The following ATP8B4 variants were observed in gnomAD, a reference collection of about 807,000 sequenced individuals.
ATP8B4 encodes the protein probable phospholipid-transporting ATPase IM.
Under a neutral mutation model 145.6 loss-of-function variants are expected in ATP8B4, and 133 were observed. The ratio of observed to expected loss-of-function variants is 0.91; its 90% confidence interval spans 0.79 to 1.05. The LOEUF (loss-of-function observed/expected upper bound fraction) is 1.05. Among genes scored for constraint, ATP8B4 ranks in the 50% least tolerant of loss-of-function variants. The pLI is 0.00. For missense variants in ATP8B4, 1,458 were observed against 1,425.2 expected (o/e 1.02, Z -0.37); for synonymous variants, 507 against 492.9 (o/e 1.03, Z -0.38).
chr15:50,069,840 A>C (rs772623002), intron 3 of ATP8B4, among the ~76,000 whole-genome samples: 5 of 152,180 alleles, frequency 3.3e-5, no homozygotes, highest in Non-Finnish European at 5.9e-5. Flanking sequence ...GACTTAGACA[A>C]GTTACTAAAT....
intron 20 of ATP8B4, among the ~76,000 whole-genome samples, chr15:49,908,490 A>T (rs1225446477): frequency 6.6e-6 from 1 of 151,494 alleles, no homozygotes; most frequent in East Asian, 1.9e-4. Context: ...AGGGATGCCC[A>T]GTGGTCCACA....
At chr15:49,961,671 G>A (rs561171385) in intron 14 of ATP8B4, among the ~76,000 whole-genome samples, 12 of 152,146 alleles carry the variant, frequency 7.9e-5, no homozygotes, top group East Asian at 1.9e-4. Context: ...TGTTGAGAAC[G>A]CTGAAGAACA....
intron 26 of ATP8B4, 81 bp from the exon 27 acceptor site, chr15:49,862,456 G>T (rs1028794166): frequency 2.1e-6 from 3 of 1,451,634 alleles, no homozygotes; most frequent in Non-Finnish European, 9.3e-7. Flanking sequence ...GTTCCTACAA[G>T]ATCTTTTTTT....
intron 6 of ATP8B4, among the ~76,000 whole-genome samples, chr15:50,024,455 A>C (rs2049853193): frequency 6.6e-6 from 1 of 152,224 alleles, no homozygotes; most frequent in Non-Finnish European, 1.5e-5. Context: ...GCAGCCAGCC[A>C]GATGAGCATT....
At chr15:49,890,882 G>T (rs895998253) in intron 23 of ATP8B4, among the ~76,000 whole-genome samples, 1 of 152,156 alleles carries the variant, frequency 6.6e-6, no homozygotes, top group Admixed American at 6.5e-5. Context: ...GGTGTGGCTG[G>T]GGAACACCAG....
At chr15:50,031,968 T>A (rs186143193) in intron 6 of ATP8B4, among the ~76,000 whole-genome samples, 1 of 152,372 alleles carries the variant, frequency 6.6e-6, no homozygotes, top group East Asian at 1.9e-4. Context: ...ATTCAAATTG[T>A]TTTAAATTGT....
At chr15:49,918,319 C>T (rs531434624) in intron 19 of ATP8B4, among the ~76,000 whole-genome samples, 1 of 152,312 alleles carries the variant, frequency 6.6e-6, no homozygotes, top group African/African-American at 2.4e-5. Flanking sequence ...TGCACTGTTA[C>T]AGCTGTAGTA....
chr15:49,954,453 C>T (rs1448830497), intron 14 of ATP8B4, among the ~76,000 whole-genome samples: 3 of 151,980 alleles, frequency 2.0e-5, no homozygotes, highest in Admixed American at 2.0e-4. Flanking sequence ...GACTTAATAT[C>T]GAGAATTGAT....
chr15:50,164,335 T>C (rs1349310343), intron 1 of ATP8B4, among the ~76,000 whole-genome samples: 1 of 152,202 alleles, frequency 6.6e-6, no homozygotes, highest in Non-Finnish European at 1.5e-5. Context: ...CTAGGGCTCT[T>C]TAGTCTCAGG....
chr15:50,124,857 T>C (rs148118640), intron 1 of ATP8B4, among the ~76,000 whole-genome samples: 1 of 152,334 alleles, frequency 6.6e-6, no homozygotes, highest in Non-Finnish European at 1.5e-5. Context: ...CAGAACTAGA[T>C]GACCCAGCTT....
intron 23 of ATP8B4, chr15:49,883,234 A>C (rs562539692): frequency 2.3e-4 from 35 of 152,146 alleles, no homozygotes; most frequent in Non-Finnish European, 3.7e-4. Flanking sequence ...AGAAGAGAGA[A>C]AGAATCTGAG....
At chr15:49,870,685 T>G (rs57625274) in intron 25 of ATP8B4, among the ~76,000 whole-genome samples, 4,721 of 152,278 alleles carry the variant, frequency 0.031, 262 homozygotes, top group African/African-American at 0.11. Context: ...ACCACAGTTT[T>G]TGATTGATTG....
rs143883343 is a variant in ATP8B4, at chr15:49,894,365, C to T, written c.2697+2927G>A. On this transcript the variant is annotated intron_variant, in intron 23 of 27. Transcript: ENST00000284509. ...TTTGGTCCCAATGTGATAAGGTCAT[C>T]GTACAAATCGGGGCAAAGTAGAGAG... Among the ~76,000 whole-genome samples the T allele has an allele frequency of 2.7e-3, 404 of 152,220 alleles. 2 individuals are homozygous for T. The highest frequency in any genetic ancestry group is 8.8e-3 in the African/African-American group (366 of 41,542).
intron 7 of ATP8B4, 87 bp from the exon 8 acceptor site, chr15:50,002,310 A>C (rs1419425599): frequency 2.0e-6 from 2 of 1,015,752 alleles, no homozygotes; most frequent in Non-Finnish European, 2.9e-6. Flanking sequence ...TGACTACTAA[A>C]GAGGCAACAG....
chr15:49,942,650 C>T (rs140857855), intron 14 of ATP8B4, among the ~76,000 whole-genome samples: 5,283 of 151,770 alleles, frequency 0.035, 122 homozygotes, highest in South Asian at 0.084. Flanking sequence ...TGGTGAAACC[C>T]GGTCTCTACT....
intron 14 of ATP8B4, among the ~76,000 whole-genome samples, chr15:49,957,230 T>C (rs1280633800): frequency 1.3e-5 from 2 of 152,142 alleles, no homozygotes; most frequent in African/African-American, 4.8e-5. Context: ...AATCTCATCA[T>C]TGTTCATATT....
intron 14 of ATP8B4, among the ~76,000 whole-genome samples, chr15:49,943,480 A>C (rs1723720212): frequency 6.6e-6 from 1 of 152,186 alleles, no homozygotes; most frequent in Non-Finnish European, 1.5e-5. Context: ...AGAGAAAAGC[A>C]ACTCATCATG....
Position 49,989,423 on chromosome 15 carries a change from T to TAA in ATP8B4, c.590-1876_590-1875dup, listed in dbSNP as rs11429655. ...TTCTCAGGCTTCAAACCTAGCCACT[T>TAA]AAAAAAAAAAAATGTGCTTTGGGCA... On this transcript the variant is annotated intron_variant, in intron 9 of 27. Coordinates refer to ENST00000284509, the MANE Select transcript of ATP8B4 (RefSeq NM_024837.4). Among the ~76,000 whole-genome samples the TAA allele has an allele frequency of 3.8e-3, 567 of 148,560 alleles. 5 individuals are homozygous for TAA. The highest frequency in any genetic ancestry group is 0.011 in the African/African-American group (463 of 40,556).
At chr15:49,887,270 A>G (rs1165326346) in intron 23 of ATP8B4, among the ~76,000 whole-genome samples, 1 of 151,970 alleles carries the variant, frequency 6.6e-6, no homozygotes, top group Admixed American at 6.6e-5. Flanking sequence ...GGACTAGCTG[A>G]GAGGGGCACA....
Sources: allele counts gnomAD v4.1 joint callset (sites outside exome capture counted in the v4.1 genomes callset), GRCh38; gene constraint gnomAD v4.1.1; transcripts MANE v1.5; gene names NCBI Gene and HGNC (gene_info 2026-07-23, HGNC 2026-07-21).